CACNB4: variants seen among roughly 807,000 people sequenced by gnomAD.
The protein encoded by CACNB4 is voltage-dependent L-type calcium channel subunit beta-4.
Under a neutral mutation model 71.2 loss-of-function variants are expected in CACNB4, and 32 were observed. The observed-to-expected ratio is 0.45, with a 90% CI of 0.34 to 0.60. The LOEUF (loss-of-function observed/expected upper bound fraction) is 0.60. Ranked by LOEUF, CACNB4 falls within the 20% of genes least tolerant of loss-of-function variation. CACNB4 has a pLI of 0.01. For synonymous variants in CACNB4, 231 were observed against 236.9 expected (o/e 0.97, Z 0.23); for missense variants, 464 against 647.9 (o/e 0.72, Z 3.08).
intron 2 of CACNB4, among the ~76,000 whole-genome samples, chr2:152,056,895 TACAA>T (rs35963039): frequency 0.24 from 36,213 of 151,856 alleles, 5,394 homozygotes; most frequent in East Asian, 0.75. Context: ...CCCTTACTTT[TACAA>T]ACATAGACCT....
chr2:152,054,172 C>T (rs1170265739), intron 2 of CACNB4, among the ~76,000 whole-genome samples: 1 of 151,412 alleles, frequency 6.6e-6, no homozygotes, highest in East Asian at 2.0e-4. Flanking sequence ...TCGAGACCAT[C>T]CTGGCTAACG....
At chr2:152,040,561 C>G (rs1023175871) in intron 2 of CACNB4, among the ~76,000 whole-genome samples, 10 of 152,192 alleles carry the variant, frequency 6.6e-5, no homozygotes, top group Admixed American at 6.5e-4. Context: ...ACTGCCTCAG[C>G]TTCCTGAGTA....
intron 2 of CACNB4, among the ~76,000 whole-genome samples, chr2:151,982,179 G>A (rs192010592): frequency 6.6e-6 from 1 of 152,246 alleles, no homozygotes; most frequent in African/African-American, 2.4e-5. Context: ...TTAGCATTAA[G>A]CCATTCCACC....
At chr2:151,912,287 T>C (rs1262237781) in intron 2 of CACNB4, among the ~76,000 whole-genome samples, 1 of 152,220 alleles carries the variant, frequency 6.6e-6, no homozygotes, top group Non-Finnish European at 1.5e-5. Context: ...CTTTCTAGCT[T>C]TCTGATGTGG....
At chr2:152,004,855 A>T (rs1682635045) in intron 2 of CACNB4, among the ~76,000 whole-genome samples, 1 of 152,192 alleles carries the variant, frequency 6.6e-6, no homozygotes, top group Admixed American at 6.5e-5. Flanking sequence ...TGTTTCTTCA[A>T]GGCAGAGCCA....
At chr2:151,880,959 G>C (rs1246034190) in intron 3 of CACNB4, 37 bp from the exon 4 acceptor site, 2 of 1,553,838 alleles carry the variant, frequency 1.3e-6, no homozygotes, top group Non-Finnish European at 1.7e-6. Context: ...ATGAGGAAGG[G>C]AGGAGAGAGG....
At chr2:151,880,111 T>C (rs1257347492) in intron 4 of CACNB4, 12 of 152,242 alleles carry the variant, frequency 7.9e-5, no homozygotes, top group Admixed American at 7.9e-4. Context: ...GTAGAGGCCA[T>C]GGTTGAAGTT....
At position 151,923,727 on chromosome 2, in the gene CACNB4, G is replaced by A. The variant is rs1016318242; in HGVS notation, c.148-40357C>T. ...AGAACCATAAGACTAAGGAAACTTG[G>A]ATTCTATTCCTAACCCTCTTGCAGA... On this transcript the variant is annotated intron_variant, in intron 2 of 13. Coordinates refer to ENST00000539935, the MANE Select transcript of CACNB4 (RefSeq NM_000726.5). Among the ~76,000 whole-genome samples, 2 of 152,290 alleles carry A rather than the reference G, an allele frequency of 1.3e-5. 1 individual carries two copies. The highest frequency in any genetic ancestry group is 4.1e-4 in the South Asian group (2 of 4,828).
intron 2 of CACNB4, among the ~76,000 whole-genome samples, chr2:152,015,673 G>A (rs574764149): frequency 2.0e-4 from 30 of 152,270 alleles, no homozygotes; most frequent in African/African-American, 6.0e-4. Context: ...TCCCTTTGCC[G>A]GGCAGTGTTC....
intron 8 of CACNB4, chr2:151,870,071 G>T: frequency 1.7e-6 from 1 of 591,274 alleles, no homozygotes; most frequent in East Asian, 2.8e-5. Flanking sequence ...AAATAAATAA[G>T]CAGAGAAGGA....
intron 2 of CACNB4, chr2:151,970,194 C>A (rs953120366): frequency 1.1e-4 from 17 of 152,208 alleles, no homozygotes; most frequent in African/African-American, 4.1e-4. Context: ...CAGGCCAGTT[C>A]TAGTCCTAGT....
At chr2:151,989,522 C>T (rs556431183) in intron 2 of CACNB4, among the ~76,000 whole-genome samples, 3 of 152,176 alleles carry the variant, frequency 2.0e-5, no homozygotes, top group Non-Finnish European at 4.4e-5. Context: ...TGGTATGGCT[C>T]TCCATGGTTT....
chr2:151,923,568 T>A (rs893554130), intron 2 of CACNB4, among the ~76,000 whole-genome samples: 1 of 152,202 alleles, frequency 6.6e-6, no homozygotes, highest in Non-Finnish European at 1.5e-5. Flanking sequence ...CCGGATGGCA[T>A]CTAGCTGACA....
chr2:152,027,010 G>A (rs1162210298), intron 2 of CACNB4, among the ~76,000 whole-genome samples: 3 of 151,942 alleles, frequency 2.0e-5, no homozygotes, highest in East Asian at 3.9e-4. Context: ...GGGTTCAAGC[G>A]ATTCTTCTAC....
At chr2:151,955,751 A>C (rs989475554) in intron 2 of CACNB4, among the ~76,000 whole-genome samples, 1 of 151,944 alleles carries the variant, frequency 6.6e-6, no homozygotes, top group Non-Finnish European at 1.5e-5. Context: ...CAAAATAAAA[A>C]ATTAGCCAGG....
intron 2 of CACNB4, among the ~76,000 whole-genome samples, chr2:152,062,860 G>T (rs1412813029): frequency 6.6e-6 from 1 of 152,212 alleles, no homozygotes; most frequent in African/African-American, 2.4e-5. Context: ...TGTGAACTGT[G>T]AGCAATTTTA....
At chr2:152,022,606 G>A (rs867458414) in intron 2 of CACNB4, among the ~76,000 whole-genome samples, 4 of 152,176 alleles carry the variant, frequency 2.6e-5, no homozygotes, top group African/African-American at 7.2e-5. Context: ...TTGCATATAC[G>A]AAAGCATGGG....
intron 2 of CACNB4, among the ~76,000 whole-genome samples, chr2:151,892,321 G>A (rs538072655): frequency 7.9e-5 from 12 of 151,460 alleles, no homozygotes; most frequent in Non-Finnish European, 1.6e-4. Flanking sequence ...ACGACAACAG[G>A]ATATATGTTT....
chr2:151,919,634 G>A (rs2099858413), intron 2 of CACNB4, among the ~76,000 whole-genome samples: 1 of 152,098 alleles, frequency 6.6e-6, no homozygotes, highest in East Asian at 1.9e-4. Flanking sequence ...CTCCTCAAAT[G>A]TCTACTTAGG....
Sources: gnomAD v4.1 joint callset for allele counts (sites outside exome capture counted in the v4.1 genomes callset) on GRCh38, gnomAD v4.1.1 for gene constraint, MANE v1.5 for transcripts, NCBI Gene and HGNC (gene_info 2026-07-23, HGNC 2026-07-21) for gene names.